The following ELMOD1 variants were observed in gnomAD, a reference collection of about 807,000 sequenced individuals.
ELMOD1 encodes the protein ELMO domain-containing protein 1.
In ELMOD1, 21 loss-of-function variants were observed where a neutral mutation model predicts 46.7. The ratio of observed to expected loss-of-function variants is 0.45; its 90% CI spans 0.32 to 0.65. The LOEUF (loss-of-function observed/expected upper bound fraction) is 0.65. ELMOD1 is among the 30% of genes least tolerant of loss of function. The pLI, the probability that ELMOD1 is intolerant of heterozygous loss-of-function variation, is 0.04. For missense variants in ELMOD1, 348 were observed against 407.8 expected (o/e 0.85, Z 1.26); for synonymous variants, 122 against 138.2 (o/e 0.88, Z 0.82).
intron 1 of ELMOD1, among the ~76,000 whole-genome samples, chr11:107,602,601 TA>T (rs1865618949): frequency 6.6e-6 from 1 of 152,154 alleles, no homozygotes; most frequent in African/African-American, 2.4e-5. Flanking sequence ...CTAATTCTCT[TA>T]AAGTTCCCTT....
At chr11:107,626,376 G>GAAAAAAAAAAAA (rs111962841) in intron 2 of ELMOD1, among the ~76,000 whole-genome samples, 1 of 66,888 alleles carries the variant, frequency 1.5e-5, no homozygotes, top group African/African-American at 5.2e-5. Context: ...ATGCAGTCAT[G>GAAAAAAAAAAAA]AAAAAAAAAA....
In ELMOD1 at chr11:107,644,526, C is replaced by G. The variant is rs955656477; in HGVS notation, c.421-2942C>G. Reference sequence around the variant, plus strand: ...GTCTCGCTCTGTAGCCCAGGCTGGACTGCAGTGGCACGATCTCGGCTCACT... The same window carrying G: ...GTCTCGCTCTGTAGCCCAGGCTGGAGTGCAGTGGCACGATCTCGGCTCACT... On this transcript the variant is annotated intron_variant, in intron 6 of 11. Coordinates refer to ENST00000265840, the MANE Select transcript of ELMOD1 (RefSeq NM_018712.4). Among the ~76,000 whole-genome samples the G allele has an allele frequency of 4.4e-4, 67 of 152,048 alleles. 2 individuals carry two copies. Among genetic ancestry groups the G allele is most frequent in the Middle Eastern group, 3.4e-3 (1 of 294 alleles).
intron 5 of ELMOD1, among the ~76,000 whole-genome samples, chr11:107,634,899 C>T (rs1030154989): frequency 2.6e-5 from 4 of 152,122 alleles, no homozygotes; most frequent in Non-Finnish European, 5.9e-5. Context: ...GCTCAGAGAA[C>T]GGAATTGGAA....
chr11:107,644,132 T>C (rs1375742419), intron 6 of ELMOD1, among the ~76,000 whole-genome samples: 3 of 151,170 alleles, frequency 2.0e-5, no homozygotes, highest in Non-Finnish European at 4.4e-5. Flanking sequence ...TAAAATAAAA[T>C]AAAAAATACG....
At position 107,597,105 on chromosome 11, in the gene ELMOD1, T is replaced by C. The variant is rs546301632; in HGVS notation, c.-86+5696T>C. Among the ~76,000 whole-genome samples, 9 of 152,294 alleles carry C rather than the reference T, an allele frequency of 5.9e-5. No individual in the cohort carries two copies. In the South Asian group the frequency reaches 1.9e-3, roughly 32 times the overall value. The stretch of plus-strand genomic sequence containing the variant: ...TTTCTGTTGGTCTACCTTACAGCTC[T>C]TTATTTGACCATGACATTTCTACAA... On this transcript the variant is annotated intron_variant, in intron 1 of 11. Transcript: ENST00000265840.
intron 1 of ELMOD1, among the ~76,000 whole-genome samples, chr11:107,594,171 A>G (rs1238335921): frequency 1.3e-5 from 2 of 152,038 alleles, no homozygotes; most frequent in Non-Finnish European, 2.9e-5. Flanking sequence ...TAGAAGAGGC[A>G]CTGAATTATG....
intron 1 of ELMOD1, chr11:107,591,618 C>T (rs917072820): frequency 4.1e-5 from 14 of 338,934 alleles, no homozygotes; most frequent in African/African-American, 2.2e-4. Context: ...ACAGTGATTT[C>T]CCCTTCTATC....
chr11:107,641,251 C>T (rs1866317033), intron 6 of ELMOD1, among the ~76,000 whole-genome samples: 1 of 151,818 alleles, frequency 6.6e-6, no homozygotes, highest in South Asian at 2.1e-4. Context: ...GAGATCATGC[C>T]ACCGCACTCC....
chr11:107,593,129 TCCA>T (rs1313148562), intron 1 of ELMOD1: 1 of 152,660 alleles, frequency 6.6e-6, no homozygotes, highest in Non-Finnish European at 1.5e-5. Flanking sequence ...CATCACAGGC[TCCA>T]CCTCCGCCTG....
intron 1 of ELMOD1, among the ~76,000 whole-genome samples, chr11:107,606,798 G>T (rs1019379223): frequency 2.6e-5 from 4 of 151,892 alleles, no homozygotes; most frequent in African/African-American, 9.7e-5. Context: ...CAGCCTGGGT[G>T]ATAAAGCAAG....
chr11:107,660,337 C>G (rs1866716557), intron 11 of ELMOD1, among the ~76,000 whole-genome samples: 1 of 152,188 alleles, frequency 6.6e-6, no homozygotes, highest in South Asian at 2.1e-4. Flanking sequence ...CTCCATCCTT[C>G]TGACGTTACA....
Position 107,635,708 on chromosome 11 carries a change from A to G in ELMOD1, c.363A>G (p.Lys121=). 6.2e-7 allele frequency: 1 copy of G among 1,613,894 alleles called. No individual in the cohort carries two copies. ...GYRNLIADVE[K]LRREAYDSDN... Reference sequence around the variant, plus strand: ...GGAACCTTATTGCAGATGTGGAAAAACTGCGTAGAGAGGCCTATGATTCTG... The same window carrying G: ...GGAACCTTATTGCAGATGTGGAAAAGCTGCGTAGAGAGGCCTATGATTCTG... Residue 121 remains lysine, a synonymous_variant, in exon 6 of 12, where the codon AAA becomes AAG. Coordinates refer to ENST00000265840, the MANE Select transcript of ELMOD1 (RefSeq NM_018712.4).
chr11:107,618,638 T>A (rs991484565), intron 2 of ELMOD1, among the ~76,000 whole-genome samples: 11 of 152,236 alleles, frequency 7.2e-5, no homozygotes, highest in Non-Finnish European at 1.5e-4. Context: ...ATGGGCATTT[T>A]AAAATTTTGT....
intron 1 of ELMOD1, among the ~76,000 whole-genome samples, chr11:107,601,428 T>C (rs1187073509): frequency 2.4e-4 from 35 of 147,310 alleles, no homozygotes; most frequent in Admixed American, 4.0e-4. Context: ...TTTTTTTTTT[T>C]TTTTTGAGAC....
intron 1 of ELMOD1, among the ~76,000 whole-genome samples, chr11:107,617,219 T>C (rs1461044523): frequency 6.6e-6 from 1 of 152,226 alleles, no homozygotes; most frequent in Non-Finnish European, 1.5e-5. Flanking sequence ...AATAAGAGAC[T>C]GGCTTTTATT....
chr11:107,623,679 G>T (rs12576509), intron 2 of ELMOD1: 22,239 of 152,032 alleles, frequency 0.15, 2,573 homozygotes, highest in East Asian at 0.33. Flanking sequence ...TGGGTGTTTT[G>T]CTTTTATAGA....
At position 107,604,302 on chromosome 11, in the gene ELMOD1, A is replaced by C. The variant is rs80243912; in HGVS notation, c.-86+12893A>C. ...AAGAGTGTTGGGAGGCTCTTCAGTGAGGCTAAGAAGGATATGAGTTGCTCT... is the reference window on the plus strand; with the variant it reads ...AAGAGTGTTGGGAGGCTCTTCAGTGCGGCTAAGAAGGATATGAGTTGCTCT... On this transcript the variant is annotated intron_variant, in intron 1 of 11. Transcript: ENST00000265840. Among the ~76,000 whole-genome samples the C allele has an allele frequency of 1.8e-3, 271 of 152,330 alleles. 1 individual carries two copies. Among genetic ancestry groups the C allele is most frequent in the African/African-American group, 6.1e-3 (253 of 41,568 alleles).
Position 107,631,606 on chromosome 11 carries a change from C to T in ELMOD1, c.219C>T (p.His73=). ...TGTTGCAGACTTCTGTGAGTGTTCA[C>T]CCCGACGCTATTGAAAAAACTATAG... The part of the protein sequence containing the change: ...SKLLQTSVSV[H]PDAIEKTIED... The change falls in exon 5 of 12, where the codon CAC becomes CAT. Residue 73 remains histidine, a synonymous_variant. Coordinates refer to ENST00000265840, the MANE Select transcript of ELMOD1 (RefSeq NM_018712.4). 6.4e-7 allele frequency: 1 copy of T among 1,565,032 alleles called. No homozygotes were observed. Among genetic ancestry groups the T allele is most frequent in the Non-Finnish European group, 8.7e-7 (1 of 1,154,184 alleles).
At chr11:107,593,552 G>T (rs1865441412) in intron 1 of ELMOD1, among the ~76,000 whole-genome samples, 1 of 152,216 alleles carries the variant, frequency 6.6e-6, no homozygotes, top group African/African-American at 2.4e-5. Flanking sequence ...TGAGAAGTTT[G>T]CGGAGCTTGC....
Sources: allele counts gnomAD v4.1 joint callset (sites outside exome capture counted in the v4.1 genomes callset), GRCh38; gene constraint gnomAD v4.1.1; transcripts MANE v1.5; gene names NCBI Gene and HGNC (gene_info 2026-07-23, HGNC 2026-07-21).